The following NEDD8 variants were observed in gnomAD, a reference collection of about 807,000 sequenced individuals.
NEDD8 encodes ubiquitin-like protein NEDD8.
A neutral mutation model predicts 13.8 loss-of-function variants in NEDD8; 1 was observed. That is an observed-to-expected ratio of 0.07 (90% confidence interval 0.03 to 0.34). The LOEUF (loss-of-function observed/expected upper bound fraction) is 0.34. Among genes scored for constraint, NEDD8 ranks in the 10% least tolerant of loss-of-function variants. The pLI is 0.99. For missense variants in NEDD8, 10 were observed against 95.2 expected, an observed-to-expected ratio of 0.10 and a Z score of 3.73; for synonymous variants, 31 against 33.2, an observed-to-expected ratio of 0.93 and a Z score of 0.23.
intron 1 of NEDD8, among the ~76,000 whole-genome samples, chr14:24,224,780 C>A (rs765830069): frequency 3.9e-5 from 6 of 152,168 alleles, no homozygotes; most frequent in Non-Finnish European, 5.9e-5. Flanking sequence ...ATTCTTCTCA[C>A]ATATGAACAT....
intron 1 of NEDD8, among the ~76,000 whole-genome samples, chr14:24,229,392 G>T (rs890777717): frequency 6.6e-6 from 1 of 152,138 alleles, no homozygotes; most frequent in Non-Finnish European, 1.5e-5. Context: ...GCTAATTTTT[G>T]TATTTTTAGT....
At chr14:24,224,192 G>A (rs910646343) in intron 1 of NEDD8, among the ~76,000 whole-genome samples, 3 of 152,192 alleles carry the variant, frequency 2.0e-5, no homozygotes, top group Non-Finnish European at 2.9e-5. Context: ...GCCTCCCAGA[G>A]TGCTGGGATT....
At chr14:24,223,085 CAAAAAAA>C (rs71426836) in intron 1 of NEDD8, among the ~76,000 whole-genome samples, 119 of 75,614 alleles carry the variant, frequency 1.6e-3, no homozygotes, top group South Asian at 2.9e-3. Context: ...GACTGCATTT[CAAAAAAA>C]AAAAAAAAAA....
intron 1 of NEDD8, among the ~76,000 whole-genome samples, chr14:24,221,121 C>T (rs1334630957): frequency 2.0e-5 from 3 of 152,078 alleles, no homozygotes; most frequent in Admixed American, 1.3e-4. Context: ...TTTCAGCAGC[C>T]TATGGTAAAA....
intron 1 of NEDD8, among the ~76,000 whole-genome samples, chr14:24,230,591 T>C (rs73604983): frequency 0.02 from 2,921 of 148,834 alleles, 113 homozygotes; most frequent in African/African-American, 0.069. Flanking sequence ...CTATATTATT[T>C]CCTATTTTCT....
intron 1 of NEDD8, chr14:24,228,632 T>C (rs2039936326): frequency 6.8e-6 from 1 of 146,878 alleles, no homozygotes; most frequent in Admixed American, 7.1e-5. Flanking sequence ...GATGGGAGAA[T>C]TGCTTGGGCC....
At chr14:24,223,018 G>A (rs1339496509) in intron 1 of NEDD8, among the ~76,000 whole-genome samples, 1 of 150,640 alleles carries the variant, frequency 6.6e-6, no homozygotes, top group Admixed American at 6.6e-5. Context: ...CCCAGGAGGC[G>A]GAGGTTACGG....
chr14:24,218,125 A>C lies in NEDD8; in HGVS notation c.149+8T>G. On this transcript the variant is annotated splice_region_variant and intron_variant, in intron 3 of 3. Transcript: ENST00000250495. ...ATCGCCATGCTGTCATTCTCACTCCAAACTCACATCTGCTTGCCACTGTAG... is the reference window on the plus strand; with the variant it reads ...ATCGCCATGCTGTCATTCTCACTCCCAACTCACATCTGCTTGCCACTGTAG... 6.2e-7 allele frequency: 1 copy of C among 1,613,894 alleles called. No individual in the cohort carries two copies. Among genetic ancestry groups the C allele is most frequent in the East Asian group, 2.2e-5 (1 of 44,858 alleles).
At chr14:24,223,010 C>T (rs2039831581) in intron 1 of NEDD8, among the ~76,000 whole-genome samples, 5 of 143,356 alleles carry the variant, frequency 3.5e-5, no homozygotes, top group Admixed American at 3.0e-4. Context: ...CGCCTGAACC[C>T]AGGAGGCGGA....
intron 1 of NEDD8, among the ~76,000 whole-genome samples, chr14:24,229,777 A>C (rs1260558897): frequency 6.6e-6 from 1 of 152,328 alleles, no homozygotes; most frequent in South Asian, 2.1e-4. Context: ...TTGAAAAGCC[A>C]ACAGAAGTAT....
rs59964484 is a variant in NEDD8, at chr14:24,219,475, C to CAA, written c.19-1046_19-1045dup. Among the ~76,000 whole-genome samples, 36 of 33,364 alleles carry CAA rather than the reference C, an allele frequency of 1.1e-3. 1 individual carries two copies. Among genetic ancestry groups the CAA allele is most frequent in the African/African-American group, 2.5e-3 (21 of 8,328 alleles). 21.9% of individuals were successfully genotyped at this position (33,364 alleles called of 152,430 possible). A position where few individuals can be genotyped will look rare whatever the true frequency, so the allele number is the denominator to read the frequency against. On this transcript the variant is annotated intron_variant, in intron 1 of 3. Coordinates refer to ENST00000250495, the MANE Select transcript of NEDD8 (RefSeq NM_006156.3). ...TACTCCAGCCTGGGCAACACCCTCGCAAAAAAAAAAAAAAAAAAAAAAAAA... is the reference window on the plus strand; with the variant it reads ...TACTCCAGCCTGGGCAACACCCTCGCAAAAAAAAAAAAAAAAAAAAAAAAAAA...
At position 24,232,356 on chromosome 14, in the gene NEDD8, A is replaced by G; in HGVS notation, c.-89T>C. ...CCGCCCTCCAGCACTCTTGCCTGCA[A>G]GGGCCACTTCTACTTCCGGGTCACT... is the stretch of plus-strand genomic sequence containing the variant. On this transcript the variant is annotated 5_prime_UTR_variant, in exon 1 of 4. Coordinates refer to ENST00000250495, the MANE Select transcript of NEDD8 (RefSeq NM_006156.3). 1.4e-6 allele frequency: 2 copies of G among 1,384,666 alleles called. No homozygotes were observed. The highest frequency in any genetic ancestry group is 2.0e-6 in the Non-Finnish European group (2 of 1,011,058). 85.8% of individuals were successfully genotyped at this position (1,384,666 alleles called of 1,614,324 possible).
intron 1 of NEDD8, chr14:24,227,374 C>G (rs1473686545): frequency 6.6e-6 from 1 of 152,144 alleles, no homozygotes; most frequent in African/African-American, 2.4e-5. Flanking sequence ...GGAAGACCTG[C>G]ACATTATGGT....
In NEDD8 at chr14:24,217,274, TTTGTTG is replaced by T. The variant is rs149980708; in HGVS notation, c.150-57_150-52del. On this transcript the variant is annotated intron_variant, in intron 3 of 3. Transcript: ENST00000250495. ...AAAGAAAAAGAAGACTTAGGAGTTT[TTTGTTG>T]TTGTTGTTGTTGTTGTTGTTGTTGT... is the stretch of plus-strand genomic sequence containing the variant. 2,376 of 1,196,354 alleles carry T rather than the reference TTTGTTG, an allele frequency of 2.0e-3. 3 individuals carry two copies. The highest frequency in any genetic ancestry group is 3.0e-3 in the Admixed American group (127 of 43,048). 74.1% of individuals were successfully genotyped at this position (1,196,354 alleles called of 1,614,324 possible). A position where few individuals can be genotyped will look rare whatever the true frequency, so the allele number is the denominator to read the frequency against.
At chr14:24,232,074 C>G in intron 1 of NEDD8, 176 bp downstream of exon 1, 1 of 974,798 alleles carries the variant, frequency 1.0e-6, no homozygotes, top group Non-Finnish European at 1.5e-6. Flanking sequence ...ACCTGGGCCC[C>G]GCTCTCAAAG....
In NEDD8 at chr14:24,218,733, C is replaced by T. The variant is rs143880910; in HGVS notation, c.19-302G>A. On this transcript the variant is annotated intron_variant, in intron 1 of 3. Coordinates refer to ENST00000250495, the MANE Select transcript of NEDD8 (RefSeq NM_006156.3). ...AATATTGGCATTATTTTAGATGATA[C>T]GGCAATGAAAGGATTTATTTATTTA... 17 of 453,876 alleles carry T rather than the reference C, an allele frequency of 3.7e-5. 1 individual carries two copies. Among genetic ancestry groups the T allele is most frequent in the East Asian group, 2.8e-4 (7 of 24,816 alleles). The allele number at this position is 453,876 out of a possible 1,614,324, so 28.1% of individuals were successfully genotyped here.
chr14:24,225,033 C>A (rs144331693), intron 1 of NEDD8, among the ~76,000 whole-genome samples: 1 of 152,116 alleles, frequency 6.6e-6, no homozygotes, highest in Non-Finnish European at 1.5e-5. Flanking sequence ...GTGGCGCATG[C>A]CTGTAGTCCC....
At chr14:24,221,746 C>T (rs1175285505) in intron 1 of NEDD8, among the ~76,000 whole-genome samples, 1 of 152,032 alleles carries the variant, frequency 6.6e-6, no homozygotes, top group East Asian at 1.9e-4. Context: ...TACAGGCATG[C>T]ACCACCACAC....
chr14:24,217,304 G>A (rs1594480182), intron 3 of NEDD8, 81 bp from the exon 4 acceptor site: 1 of 1,002,772 alleles, frequency 1.0e-6, no homozygotes, highest in African/African-American at 1.8e-5. Context: ...TGTTGTTGTT[G>A]TTTTTGACAG....
Sources: gnomAD v4.1 joint callset for allele counts (sites outside exome capture counted in the v4.1 genomes callset) on GRCh38, gnomAD v4.1.1 for gene constraint, MANE v1.5 for transcripts, NCBI Gene and HGNC (gene_info 2026-07-23, HGNC 2026-07-21) for gene names.